Variants in KCNH1 observed in about 807,000 individuals in gnomAD.
KCNH1 encodes potassium voltage-gated channel subfamily H member 1.
KCNH1 carries 27 observed loss-of-function variants against 69.2 expected under a neutral mutation model. That is an observed-to-expected ratio of 0.39 (90% CI 0.29 to 0.54). The LOEUF is 0.54. Ranked by LOEUF, KCNH1 falls within the 20% of genes least tolerant of loss-of-function variation. The probability of loss-of-function intolerance (pLI) is 0.68; values close to 1 mark genes in which losing one functional copy is unlikely to be tolerated. For missense variants in KCNH1, 798 were observed against 1,261.6 expected (o/e 0.63, Z 5.57); for synonymous variants, 456 against 487.7 (o/e 0.93, Z 0.86).
intron 6 of KCNH1, among the ~76,000 whole-genome samples, chr1:210,982,951 T>A (rs1009303731): frequency 6.6e-6 from 1 of 152,232 alleles, no homozygotes; most frequent in Non-Finnish European, 1.5e-5. Context: ...GACTTTTTAA[T>A]GATCGCCATT....
chr1:210,994,050 A>C (rs1056033195), intron 6 of KCNH1, among the ~76,000 whole-genome samples: 3 of 152,220 alleles, frequency 2.0e-5, no homozygotes, highest in African/African-American at 7.2e-5. Context: ...CTAAAGTTTA[A>C]AATGTAATAA....
chr1:210,694,324 C>T (rs1269241205), intron 10 of KCNH1, among the ~76,000 whole-genome samples: 1 of 152,142 alleles, frequency 6.6e-6, no homozygotes, highest in Admixed American at 6.6e-5. Flanking sequence ...ACACTTATCT[C>T]CTCTTACCAG....
intron 6 of KCNH1, among the ~76,000 whole-genome samples, chr1:210,975,704 T>TGA (rs1688594752): frequency 2.6e-5 from 4 of 152,098 alleles, no homozygotes; most frequent in Admixed American, 2.0e-4. Context: ...GGACTTCACA[T>TGA]CTAAAACACC....
intron 7 of KCNH1, among the ~76,000 whole-genome samples, chr1:210,899,010 T>G (rs994674084): frequency 2.0e-5 from 3 of 152,170 alleles, no homozygotes; most frequent in African/African-American, 7.2e-5. Flanking sequence ...TCAGTCTCAT[T>G]AGTCACTTGT....
At chr1:210,777,886 T>C (rs904412865) in intron 9 of KCNH1, among the ~76,000 whole-genome samples, 3 of 152,188 alleles carry the variant, frequency 2.0e-5, no homozygotes, top group Admixed American at 6.5e-5. Context: ...CAATAGAAAG[T>C]GGAAGAAGCG....
chr1:210,832,921 T>TATATATATATATATATATAC (rs10693882), intron 7 of KCNH1, among the ~76,000 whole-genome samples: 37 of 144,292 alleles, frequency 2.6e-4, no homozygotes, highest in African/African-American at 9.2e-4. Context: ...TATATATATA[T>TATATATATATATATATATAC]ACATATAAAT....
intron 6 of KCNH1, among the ~76,000 whole-genome samples, chr1:210,983,114 G>T (rs1266270889): frequency 2.6e-5 from 4 of 151,224 alleles, no homozygotes; most frequent in African/African-American, 9.7e-5. Flanking sequence ...TTTTGATGGG[G>T]TTGTTTGTTT....
intron 1 of KCNH1, among the ~76,000 whole-genome samples, chr1:211,124,517 G>T (rs926081828): frequency 6.6e-6 from 1 of 152,142 alleles, no homozygotes; most frequent in African/African-American, 2.4e-5. Context: ...GGTGGCGGGT[G>T]CCTGTAGTCC....
intron 7 of KCNH1, among the ~76,000 whole-genome samples, chr1:210,895,863 A>G (rs1686855408): frequency 6.6e-6 from 1 of 152,170 alleles, no homozygotes; most frequent in Non-Finnish European, 1.5e-5. Flanking sequence ...ATTCAGGCAC[A>G]TGCATTTACA....
chr1:211,002,276 ATACGTATGTATACATGTATATATG>A (rs1689198430), intron 6 of KCNH1, among the ~76,000 whole-genome samples: 1 of 149,350 alleles, frequency 6.7e-6, no homozygotes, highest in Non-Finnish European at 1.5e-5. Flanking sequence ...ACACATATAT[ATACGTATGTATACATGTATATATG>A]TATACATGTA....
chr1:211,080,558 C>T (rs1440849262), intron 5 of KCNH1, among the ~76,000 whole-genome samples: 1 of 152,314 alleles, frequency 6.6e-6, no homozygotes, highest in East Asian at 1.9e-4. Flanking sequence ...TGCTACCTGA[C>T]TTCCAACGAT....
chr1:211,030,336 G>T (rs564062374), intron 5 of KCNH1, among the ~76,000 whole-genome samples: 1 of 152,232 alleles, frequency 6.6e-6, no homozygotes, highest in South Asian at 2.1e-4. Flanking sequence ...AAGAAAGTAG[G>T]AGGAATCAGT....
intron 9 of KCNH1, among the ~76,000 whole-genome samples, chr1:210,780,933 G>A (rs1240112678): frequency 6.6e-6 from 1 of 152,156 alleles, no homozygotes; most frequent in African/African-American, 2.4e-5. Flanking sequence ...TGTAGTCCCA[G>A]CTACTTGGGA....
chr1:211,102,832 A>G (rs1691283436), intron 3 of KCNH1, among the ~76,000 whole-genome samples: 1 of 152,240 alleles, frequency 6.6e-6, no homozygotes, highest in Non-Finnish European at 1.5e-5. Context: ...AGTGTTTTTA[A>G]AAAACAGAAA....
chr1:211,108,340 A>C (rs1466323955), intron 1 of KCNH1: 1 of 152,248 alleles, frequency 6.6e-6, no homozygotes, highest in Non-Finnish European at 1.5e-5. Flanking sequence ...AAAAACAGAA[A>C]CAATACAAAC....
intron 9 of KCNH1, among the ~76,000 whole-genome samples, chr1:210,793,246 C>T (rs1373177207): frequency 2.6e-5 from 4 of 152,098 alleles, no homozygotes; most frequent in Non-Finnish European, 5.9e-5. Context: ...CCTCAGAGAA[C>T]ATCATCTAGG....
At chr1:210,922,383 CAAAAAA>C (rs758026291) in intron 6 of KCNH1, among the ~76,000 whole-genome samples, 2 of 98,314 alleles carry the variant, frequency 2.0e-5, no homozygotes, top group East Asian at 1.1e-3. Flanking sequence ...GACTCCGTCT[CAAAAAA>C]AAAAAAAAAA....
chr1:210,952,517 C>T (rs771457938), intron 6 of KCNH1, among the ~76,000 whole-genome samples: 33 of 152,152 alleles, frequency 2.2e-4, no homozygotes, highest in Non-Finnish European at 2.8e-4. Context: ...AGTACAGCAA[C>T]AGGAGAACAT....
chr1:210,687,176 C>T (rs1055146423), intron 10 of KCNH1, among the ~76,000 whole-genome samples: 3 of 152,194 alleles, frequency 2.0e-5, no homozygotes, highest in East Asian at 1.9e-4. Flanking sequence ...GAGGAGTCAA[C>T]GCAAAACGGA....
Sources: allele counts gnomAD v4.1 joint callset (sites outside exome capture counted in the v4.1 genomes callset), GRCh38; gene constraint gnomAD v4.1.1; transcripts MANE v1.5; gene names NCBI Gene and HGNC (gene_info 2026-07-23, HGNC 2026-07-21).